Variants in C8orf34 observed in about 807,000 individuals in gnomAD.
C8orf34 encodes chromosome 8 open reading frame 34.
A neutral mutation model predicts 68.3 loss-of-function variants in C8orf34; 65 were observed. That is an observed-to-expected ratio of 0.95 (90% confidence interval 0.78 to 1.17). The LOEUF is 1.17. Among genes scored for constraint, C8orf34 ranks in the 50% most tolerant of loss-of-function variants. C8orf34 has a pLI of 0.00. For synonymous variants in C8orf34, 244 were observed against 241.2 expected (o/e 1.01, Z -0.11); for missense variants, 664 against 655.4 (o/e 1.01, Z -0.14).
chr8:68,509,243 C>G (rs1339319494), intron 5 of C8orf34, among the ~76,000 whole-genome samples: 1 of 152,180 alleles, frequency 6.6e-6, no homozygotes, highest in African/African-American at 2.4e-5. Context: ...GGGCCATTGT[C>G]AAAGGCTCTG....
At chr8:68,409,899 C>T (rs1007467079) in intron 1 of C8orf34, among the ~76,000 whole-genome samples, 2 of 152,130 alleles carry the variant, frequency 1.3e-5, no homozygotes, top group African/African-American at 4.8e-5. Context: ...CAAATACTTA[C>T]CACTGTGTAA....
intron 1 of C8orf34, among the ~76,000 whole-genome samples, chr8:68,388,316 C>T (rs1051484880): frequency 2.0e-5 from 3 of 152,072 alleles, no homozygotes; most frequent in African/African-American, 7.2e-5. Context: ...CTGCAGAGCC[C>T]CAGTGGAGTC....
intron 13 of C8orf34, 86 bp from the exon 14 acceptor site, chr8:68,818,153 T>C: frequency 7.1e-7 from 1 of 1,398,752 alleles, no homozygotes. Context: ...GAGGAAAGCA[T>C]TAAAATCACA....
chr8:68,338,429 C>T (rs1805939862), intron 1 of C8orf34, among the ~76,000 whole-genome samples: 1 of 152,112 alleles, frequency 6.6e-6, no homozygotes, highest in South Asian at 2.1e-4. Flanking sequence ...TATGCCCTTC[C>T]TACTGTCTAG....
At chr8:68,709,843 T>A (rs1307348454) in intron 9 of C8orf34, among the ~76,000 whole-genome samples, 1 of 152,112 alleles carries the variant, frequency 6.6e-6, no homozygotes, top group Non-Finnish European at 1.5e-5. Flanking sequence ...TGTAAATAAG[T>A]ACAGGTAATG....
chr8:68,585,494 C>A (rs994246852), intron 7 of C8orf34, among the ~76,000 whole-genome samples: 96 of 152,190 alleles, frequency 6.3e-4, no homozygotes, highest in African/African-American at 2.3e-3. Context: ...GTTTATTTTG[C>A]TGTCACTTAT....
At chr8:68,720,459 C>A (rs1821639029) in intron 9 of C8orf34, among the ~76,000 whole-genome samples, 1 of 151,794 alleles carries the variant, frequency 6.6e-6, no homozygotes, top group Admixed American at 6.6e-5. Flanking sequence ...ACATTTTATG[C>A]AACAGAAAAA....
At chr8:68,440,849 G>C (rs1384473273) in intron 2 of C8orf34, among the ~76,000 whole-genome samples, 1 of 149,210 alleles carries the variant, frequency 6.7e-6, no homozygotes, top group Non-Finnish European at 1.5e-5. Flanking sequence ...CTGTCACCCA[G>C]GCTGGAGTGC....
At chr8:68,633,004 A>G (rs1290001733) in intron 7 of C8orf34, among the ~76,000 whole-genome samples, 2 of 152,222 alleles carry the variant, frequency 1.3e-5, no homozygotes, top group African/African-American at 4.8e-5. Context: ...AGAAAACTGC[A>G]GGAAATGGCT....
At chr8:68,633,543 T>A (rs1818752166) in intron 7 of C8orf34, among the ~76,000 whole-genome samples, 1 of 152,230 alleles carries the variant, frequency 6.6e-6, no homozygotes, top group Non-Finnish European at 1.5e-5. Context: ...TATCCTTCTT[T>A]ACCACTGTTA....
chr8:68,408,660 A>G (rs1809308583), intron 1 of C8orf34, among the ~76,000 whole-genome samples: 1 of 152,220 alleles, frequency 6.6e-6, no homozygotes, highest in Non-Finnish European at 1.5e-5. Flanking sequence ...CACATATGAC[A>G]GTGGTCCCGT....
At chr8:68,425,307 A>G (rs1477149938) in intron 1 of C8orf34, among the ~76,000 whole-genome samples, 1 of 152,214 alleles carries the variant, frequency 6.6e-6, no homozygotes, top group African/African-American at 2.4e-5. Flanking sequence ...AAAAAGTAAT[A>G]GAAGGCATAC....
intron 10 of C8orf34, among the ~76,000 whole-genome samples, chr8:68,726,196 C>T (rs1821825833): frequency 6.6e-6 from 1 of 152,144 alleles, no homozygotes; most frequent in African/African-American, 2.4e-5. Flanking sequence ...GGCTGAGCCA[C>T]CATGCCTGGT....
chr8:68,556,127 C>G (rs938511181), intron 7 of C8orf34, among the ~76,000 whole-genome samples: 2 of 151,514 alleles, frequency 1.3e-5, no homozygotes, highest in African/African-American at 4.9e-5. Flanking sequence ...AAGTAGCAAA[C>G]CTTATGTATG....
chr8:68,455,537 G>A (rs956224603), intron 3 of C8orf34, among the ~76,000 whole-genome samples: 5 of 151,794 alleles, frequency 3.3e-5, no homozygotes, highest in African/African-American at 1.2e-4. Flanking sequence ...TATTTTGTTT[G>A]ATATTAGGGC....
At chr8:68,445,136 C>A (rs992416112) in intron 2 of C8orf34, among the ~76,000 whole-genome samples, 1 of 152,034 alleles carries the variant, frequency 6.6e-6, no homozygotes, top group East Asian at 1.9e-4. Flanking sequence ...ATTTTCATGC[C>A]TTTTTGGTAT....
intron 1 of C8orf34, among the ~76,000 whole-genome samples, chr8:68,361,846 T>C (rs934825194): frequency 2.6e-5 from 4 of 152,382 alleles, no homozygotes; most frequent in Non-Finnish European, 4.4e-5. Flanking sequence ...ATTTTTGTTT[T>C]GTACACAAAG....
intron 13 of C8orf34, among the ~76,000 whole-genome samples, chr8:68,817,418 C>G (rs865936446): frequency 6.6e-6 from 1 of 152,190 alleles, no homozygotes; most frequent in South Asian, 2.1e-4. Flanking sequence ...CAAAAACAAC[C>G]AGACTCTCCC....
At chr8:68,794,506 T>TATATATATACATACA (rs58048066) in intron 12 of C8orf34, among the ~76,000 whole-genome samples, 1 of 59,046 alleles carries the variant, frequency 1.7e-5, no homozygotes, top group African/African-American at 1.0e-4. Context: ...TATATATATA[T>TATATATATACATACA]TTTTTTTTTT....
Sources: gnomAD v4.1 joint callset for allele counts (sites outside exome capture counted in the v4.1 genomes callset) on GRCh38, gnomAD v4.1.1 for gene constraint, MANE v1.5 for transcripts, NCBI Gene and HGNC (gene_info 2026-07-23, HGNC 2026-07-21) for gene names.